Variants in ITGB1 observed in about 807,000 individuals in gnomAD.
ITGB1 encodes the protein integrin beta-1.
Under a neutral mutation model 86.5 loss-of-function variants are expected in ITGB1, and 24 were observed. The ratio of observed to expected loss-of-function variants is 0.28; its 90% CI spans 0.20 to 0.39. The LOEUF is 0.39. Ranked by LOEUF, ITGB1 falls within the 10% of genes least tolerant of loss-of-function variation. ITGB1 has a pLI of 1.00. For synonymous variants in ITGB1, 323 were observed against 316.8 expected (o/e 1.02, Z -0.21); for missense variants, 556 against 946.9 (o/e 0.59, Z 5.42).
In ITGB1 at chr10:32,922,628, T is replaced by A; in HGVS notation, c.1038+12A>T. ...TGTTTAGAATCTTGTTCTTTTTATC[T>A]CACACATTTACCTTGTAAACAGGCT... On this transcript the variant is annotated intron_variant, in intron 8 of 15. Coordinates refer to ENST00000302278, the MANE Select transcript of ITGB1 (RefSeq NM_002211.4). 1 of 1,450,056 alleles carries A rather than the reference T, an allele frequency of 6.9e-7. No homozygotes were observed. The highest frequency in any genetic ancestry group is 9.6e-7 in the Non-Finnish European group (1 of 1,040,260). 89.8% of individuals were successfully genotyped at this position (1,450,056 alleles called of 1,614,324 possible). A position where few individuals can be genotyped will look rare whatever the true frequency, so the allele number is the denominator to read the frequency against.
intron 1 of ITGB1, among the ~76,000 whole-genome samples, chr10:32,952,435 T>C (rs2095044346): frequency 8.2e-6 from 1 of 121,976 alleles, no homozygotes. Flanking sequence ...ATGTGCTTTT[T>C]CAAACTCCAA....
chr10:32,929,791 C>T (rs200195584), intron 4 of ITGB1, 31 bp downstream of exon 4: 18 of 1,241,206 alleles, frequency 1.5e-5, no homozygotes, highest in East Asian at 2.3e-5. Context: ...CAAGTAAACA[C>T]GCAGGTATTC....
At chr10:32,946,580 A>AG (rs1275182395) in intron 1 of ITGB1, among the ~76,000 whole-genome samples, 1 of 152,132 alleles carries the variant, frequency 6.6e-6, no homozygotes, top group African/African-American at 2.4e-5. Flanking sequence ...TGAGAGAAGG[A>AG]GGAAAAACCT....
chr10:32,910,489 T>G lies in ITGB1; in HGVS notation c.1932-34A>C, dbSNP rs201149175. 1.1e-5 allele frequency: 15 copies of G among 1,385,814 alleles called. No homozygotes were observed. The East Asian group carries it at 3.5e-4, about 32-fold the overall frequency. The allele number at this position is 1,385,814 out of a possible 1,614,324, so 85.8% of individuals were successfully genotyped here. A position where few individuals can be genotyped will look rare whatever the true frequency, so the allele number is the denominator to read the frequency against. ...AAAAACACAAATTATGATATTTACA[T>G]TTTATTATTTCAGTAAATATTTGCT... On this transcript the variant is annotated intron_variant, in intron 13 of 15. Transcript: ENST00000302278.
At chr10:32,926,809 T>C (rs1277112693) in intron 5 of ITGB1, among the ~76,000 whole-genome samples, 7 of 152,216 alleles carry the variant, frequency 4.6e-5, no homozygotes, top group Non-Finnish European at 1.5e-5. Context: ...CCTGCTGCTA[T>C]GTGAGTACAT....
intron 1 of ITGB1, among the ~76,000 whole-genome samples, chr10:32,948,241 T>C (rs1020721168): frequency 2.0e-5 from 3 of 152,196 alleles, no homozygotes; most frequent in Non-Finnish European, 4.4e-5. Context: ...ATGTGCTTTC[T>C]AACAATCAGA....
At chr10:32,912,941 C>T (rs1035545682) in intron 11 of ITGB1, among the ~76,000 whole-genome samples, 3 of 152,138 alleles carry the variant, frequency 2.0e-5, no homozygotes, top group Non-Finnish European at 2.9e-5. Context: ...TCATACAGCC[C>T]GGTGCCCCTC....
chr10:32,910,562 G>T, intron 13 of ITGB1, 107 bp from the exon 14 acceptor site: 2 of 651,006 alleles, frequency 3.1e-6, no homozygotes, highest in Admixed American at 3.3e-5. Context: ...TGAACAAACA[G>T]CTATGAAGGA....
At chr10:32,939,900 A>C (rs1376118193) in intron 1 of ITGB1, among the ~76,000 whole-genome samples, 1 of 152,188 alleles carries the variant, frequency 6.6e-6, no homozygotes, top group South Asian at 2.1e-4. Flanking sequence ...GGTCAGGATC[A>C]TCAATGTCAC....
intron 1 of ITGB1, among the ~76,000 whole-genome samples, chr10:32,948,006 ATTT>A (rs35342363): frequency 6.4e-4 from 95 of 147,810 alleles, no homozygotes; most frequent in African/African-American, 2.2e-3. Context: ...CTATGGTTGA[ATTT>A]TTTTTTTTTT....
chr10:32,912,054 C>T lies in ITGB1; in HGVS notation c.1540G>A (p.Ala514Thr). 6.2e-7 allele frequency: 1 copy of T among 1,614,258 alleles called. No homozygotes were observed. The highest frequency in any genetic ancestry group is 1.3e-5 in the African/African-American group (1 of 75,074). The part of the protein sequence containing the change: ...TDEVNSEDMD[A>T]YCRKENSSEI... ...GAACTGTTTTCTTTCCTGCAGTAAG[C>T]ATCCATGTCTTCACTGTTAACTTCA... Residue 514 changes from alanine to threonine, a missense_variant, in exon 12 of 16, where the codon GCT (alanine) becomes ACT (threonine). This residue lies in a region of ITGB1 where 330 missense variants were observed against 531.5 expected (regional missense o/e 0.62). Coordinates refer to ENST00000302278, the MANE Select transcript of ITGB1 (RefSeq NM_002211.4).
At chr10:32,942,179 G>A (rs1483814461) in intron 1 of ITGB1, among the ~76,000 whole-genome samples, 1 of 152,222 alleles carries the variant, frequency 6.6e-6, no homozygotes, top group Non-Finnish European at 1.5e-5. Context: ...GGGATGGCAT[G>A]TGCAGCCCAA....
intron 15 of ITGB1, among the ~76,000 whole-genome samples, chr10:32,902,170 C>G (rs2094883657): frequency 6.6e-6 from 1 of 152,148 alleles, no homozygotes; most frequent in South Asian, 2.1e-4. Flanking sequence ...TGCGCCCCAC[C>G]AAGTCACACT....
At chr10:32,930,087 G>T (rs2094978458) in intron 3 of ITGB1, 43 bp from the exon 4 acceptor site, 2 of 803,400 alleles carry the variant, frequency 2.5e-6, no homozygotes, top group South Asian at 1.5e-5. Flanking sequence ...AAATTGTAAT[G>T]GTCAAACCTT....
intron 1 of ITGB1, among the ~76,000 whole-genome samples, chr10:32,954,784 T>C (rs2095049177): frequency 6.6e-6 from 1 of 152,206 alleles, no homozygotes; most frequent in Non-Finnish European, 1.5e-5. Flanking sequence ...AGGCAGCTTT[T>C]CTCATGCACA....
intron 1 of ITGB1, among the ~76,000 whole-genome samples, chr10:32,957,394 G>A (rs772145448): frequency 1.3e-5 from 2 of 152,182 alleles, no homozygotes; most frequent in African/African-American, 2.4e-5. Flanking sequence ...TCGCGGACCG[G>A]GTCTGAGCAC....
Position 32,919,875 on chromosome 10 carries a change from C to A in ITGB1, c.1469+10G>T, listed in dbSNP as rs199513073. The A allele has an allele frequency of 6.8e-6, 11 of 1,613,356 alleles. No homozygotes were observed. Among genetic ancestry groups the A allele is most frequent in the Non-Finnish European group, 8.5e-6 (10 of 1,179,474 alleles). ...GTAGCTCTGTCACTGTCTGACAACA[C>A]CCAGCTTACCTGCACGCGCCACACT... On this transcript the variant is annotated intron_variant, in intron 11 of 15. Transcript: ENST00000302278.
intron 7 of ITGB1, among the ~76,000 whole-genome samples, chr10:32,923,308 G>A (rs2094955453): frequency 6.6e-6 from 1 of 152,172 alleles, no homozygotes; most frequent in South Asian, 2.1e-4. Flanking sequence ...ACCAAATGCT[G>A]TGGGCGGGGA....
At chr10:32,937,603 A>G (rs1391748804) in intron 1 of ITGB1, among the ~76,000 whole-genome samples, 4 of 151,912 alleles carry the variant, frequency 2.6e-5, no homozygotes, top group South Asian at 2.1e-4. Context: ...TTTTGGATGT[A>G]AAGTACACAA....
Sources: gnomAD v4.1 joint callset for allele counts (sites outside exome capture counted in the v4.1 genomes callset) on GRCh38, gnomAD v4.1.1 for gene constraint, gnomAD v4.1.1 regional missense constraint, MANE v1.5 for transcripts, NCBI Gene and HGNC (gene_info 2026-07-23, HGNC 2026-07-21) for gene names.